The following AOC2 variants were observed in gnomAD, a reference collection of about 807,000 sequenced individuals.
The protein encoded by AOC2 is amine oxidase copper containing 2.
In AOC2, 57 loss-of-function variants were observed where a neutral mutation model predicts 53.8. That is an observed-to-expected ratio of 1.06 (90% CI 0.86 to 1.32). The LOEUF is 1.32. Among genes scored for constraint, AOC2 ranks in the 40% most tolerant of loss-of-function variants. AOC2 has a pLI of 0.00. For missense variants in AOC2, 1,008 were observed against 957.2 expected, an observed-to-expected ratio of 1.05 and a Z score of -0.70; for synonymous variants, 404 against 399.0, an observed-to-expected ratio of 1.01 and a Z score of -0.15.
At chr17:42,846,796 G>A (rs1285733120) in intron 1 of AOC2, among the ~76,000 whole-genome samples, 2 of 152,218 alleles carry the variant, frequency 1.3e-5, no homozygotes, top group African/African-American at 4.8e-5. Flanking sequence ...CTTGCTGCAA[G>A]TATGGAAAGA....
rs554186602 is a variant in AOC2, at chr17:42,845,123, C to T, written c.497C>T (p.Pro166Leu). 2.7e-5 allele frequency: 44 copies of T among 1,613,658 alleles called. No homozygotes were observed. The highest frequency in any genetic ancestry group is 5.0e-5 in the Admixed American group (3 of 60,036). The stretch of plus-strand genomic sequence containing the variant: ...GGGCCCCTGCCCTATCACCGTCGCC[C>T]GGTGCTGAGAGCTGAGTTTACACAG... ...HGGPLPYHRRPVLRAEFTQMW... is the reference protein window; with the variant it reads ...HGGPLPYHRRLVLRAEFTQMW... Residue 166 changes from proline to leucine, a missense_variant, in exon 1 of 4, where the codon CCG (proline) becomes CTG (leucine). By Grantham distance (98) the Pro-to-Leu change is moderately conservative. Coordinates refer to ENST00000253799, the MANE Select transcript of AOC2 (RefSeq NM_009590.4).
chr17:42,846,363 GACTGT>G (rs1189737789), intron 1 of AOC2, 149 bp downstream of exon 1: 1 of 860,056 alleles, frequency 1.2e-6, no homozygotes, highest in Non-Finnish European at 1.7e-6. Flanking sequence ...ACAGGGCAGG[GACTGT>G]TTGAGCATAT....
rs2055588770 is a variant in AOC2 at position 42,845,475 on chromosome 17, TAG to T, written c.852_853del (p.Arg284SerfsTer61). ...TTAAGTCTGGCCGGTTGGAAGTGGT[TAG>T]AGTCCCTCTACCTCCACCAAATGGA... ...EFKSGRLEVV[R>X]VPLPPPNGAS... On this transcript the variant is annotated frameshift_variant, in exon 1 of 4. Transcript: ENST00000253799. LOFTEE classifies it high-confidence loss of function. 1 of 1,614,112 alleles carries T rather than the reference TAG, an allele frequency of 6.2e-7. No individual in the cohort carries two copies. Among genetic ancestry groups the T allele is most frequent in the Non-Finnish European group, 8.5e-7 (1 of 1,180,014 alleles).
chr17:42,847,383 C>T (rs2055607403), intron 1 of AOC2, among the ~76,000 whole-genome samples: 1 of 152,302 alleles, frequency 6.6e-6, no homozygotes, highest in African/African-American at 2.4e-5. Flanking sequence ...CAGTGCCTCC[C>T]GTGCCAGGTA....
rs2055646169 is a variant in AOC2 at position 42,850,444 on chromosome 17, T to C, written c.*96T>C. 2 of 1,424,412 alleles carry C rather than the reference T, an allele frequency of 1.4e-6. No homozygotes were observed. Among genetic ancestry groups the C allele is most frequent in the Non-Finnish European group, 1.9e-6 (2 of 1,070,274 alleles). The allele number at this position is 1,424,412 out of a possible 1,614,324, so 88.2% of individuals were successfully genotyped here. ...GTTTTTATCACACCTGCTCCCCAGA[T>C]TCCCACCCCCTCAATGTTCCTCTCA... On this transcript the variant is annotated 3_prime_UTR_variant, in exon 4 of 4. Transcript: ENST00000253799.
chr17:42,850,174 C>A lies in AOC2; in HGVS notation c.2097C>A (p.Phe699Leu). 2 of 1,614,216 alleles carry A rather than the reference C, an allele frequency of 1.2e-6. No individual in the cohort carries two copies. Among genetic ancestry groups the A allele is most frequent in the Non-Finnish European group, 8.5e-7 (1 of 1,180,038 alleles). ...TGACTCTGGGGAACAGAGTTGGCTT[C>A]TTGCTCCGACCCTATAACTTCTTTG... ...NTVTLGNRVG[F>L]LLRPYNFFDE... Residue 699 changes from phenylalanine to leucine, a missense_variant, in exon 4 of 4, where the codon TTC (phenylalanine) becomes TTA (leucine). By Grantham distance (22) the Phe-to-Leu change is conservative. Coordinates refer to ENST00000253799, the MANE Select transcript of AOC2 (RefSeq NM_009590.4).
Position 42,849,170 on chromosome 17 carries a change from C to G in AOC2, c.1673C>G (p.Pro558Arg). 1 of 1,614,200 alleles carries G rather than the reference C, an allele frequency of 6.2e-7. No individual in the cohort carries two copies. The highest frequency in any genetic ancestry group is 8.5e-7 in the Non-Finnish European group (1 of 1,180,030). ...PWNPEHWLQR[P>R]QLTRQVLGKE... ...AACCCGGAGCACTGGCTACAGCGCC[C>G]ACAGCTGACTCGGCAGGTCCTGGGA... Residue 558 changes from proline to arginine, a missense_variant, in exon 2 of 4, where the codon CCA becomes CGA. Pro to Arg is a moderately radical substitution (Grantham distance 103, BLOSUM62 -2). Coordinates refer to ENST00000253799, the MANE Select transcript of AOC2 (RefSeq NM_009590.4).
Position 42,845,885 on chromosome 17 carries a change from C to T in AOC2, c.1259C>T (p.Pro420Leu). The T allele has an allele frequency of 6.2e-7, 1 of 1,614,112 alleles. No homozygotes were observed. Among genetic ancestry groups the T allele is most frequent in the Non-Finnish European group, 8.5e-7 (1 of 1,180,014 alleles). Reference protein sequence around the residue: ...LVGKGAVQLLPGAVCVFEEAQ... With the variant: ...LVGKGAVQLLLGAVCVFEEAQ... The stretch of plus-strand genomic sequence containing the variant: ...GGCAAAGGGGCAGTCCAGCTGCTTC[C>T]AGGGGCTGTGTGTGTATTTGAGGAA... Residue 420 changes from proline to leucine, a missense_variant, in exon 1 of 4, where the codon CCA becomes CTA. Coordinates refer to ENST00000253799, the MANE Select transcript of AOC2 (RefSeq NM_009590.4).
chr17:42,846,224 G>A lies in AOC2; in HGVS notation c.1588+10G>A. ...GACCTGGATGTGGCAGGTGAGTGCTGAGGGGATGAGGATGGAGACTTGGGG... is the reference window on the plus strand; with the variant it reads ...GACCTGGATGTGGCAGGTGAGTGCTAAGGGGATGAGGATGGAGACTTGGGG... On this transcript the variant is annotated intron_variant, in intron 1 of 3. Coordinates refer to ENST00000253799, the MANE Select transcript of AOC2 (RefSeq NM_009590.4). The A allele has an allele frequency of 6.6e-7, 1 of 1,507,652 alleles. No individual in the cohort carries two copies. The highest frequency in any genetic ancestry group is 1.4e-5 in the African/African-American group (1 of 71,558). The allele number at this position is 1,507,652 out of a possible 1,614,324, so 93.4% of individuals were successfully genotyped here.
rs149144895 is a variant in AOC2, at chr17:42,845,643, C to T, written c.1017C>T (p.Ser339=). The change falls in exon 1 of 4, where the codon AGC becomes AGT. Residue 339 remains serine (S), a synonymous_variant. Transcript: ENST00000253799. ...TTACCTTTGGCCATGGGGTGTTCAG[C>T]GGCCTGAGGATTTTTGATGTTCGGT... ...WSFTFGHGVF[S]GLRIFDVRFQ... is the part of the protein sequence containing the mutation. 2.3e-4 allele frequency: 366 copies of T among 1,614,150 alleles called. 2 individuals are homozygous for T. In the African/African-American group the frequency reaches 2.9e-3, roughly 13 times the overall value.
intron 1 of AOC2, 56 bp from the exon 2 acceptor site, chr17:42,849,030 C>T: frequency 1.1e-5 from 17 of 1,531,330 alleles, no homozygotes; most frequent in Non-Finnish European, 1.5e-5. Context: ...AGACAGGGAC[C>T]TGGCCCAGAG....
chr17:42,847,720 G>A (rs1379154435), intron 1 of AOC2, among the ~76,000 whole-genome samples: 6 of 151,902 alleles, frequency 3.9e-5, no homozygotes, highest in Non-Finnish European at 7.4e-5. Context: ...CTGGGCTCAA[G>A]CAATCCTCCT....
Position 42,850,161 on chromosome 17 carries a change from A to G in AOC2, c.2084A>G (p.Asn695Ser). The change falls in exon 4 of 4, where the codon AAC (asparagine) becomes AGC (serine). Residue 695 changes from asparagine to serine, a missense_variant. Coordinates refer to ENST00000253799, the MANE Select transcript of AOC2 (RefSeq NM_009590.4). ...ATCCCAAACACAGTGACTCTGGGGA[A>G]CAGAGTTGGCTTCTTGCTCCGACCC... ...EDIPNTVTLGNRVGFLLRPYN... is the reference protein window; with the variant it reads ...EDIPNTVTLGSRVGFLLRPYN... 1 of 1,614,178 alleles carries G rather than the reference A, an allele frequency of 6.2e-7. No homozygotes were observed. The highest frequency in any genetic ancestry group is 1.1e-5 in the South Asian group (1 of 91,086).
At position 42,844,715 on chromosome 17, in the gene AOC2, G is replaced by T. The variant is rs1460408057; in HGVS notation, c.89G>T (p.Gly30Val). Residue 30 changes from glycine to valine, a missense_variant, in exon 1 of 4, where the codon GGT (glycine) becomes GTT (valine). By Grantham distance (109) the Gly-to-Val change is moderately radical. Coordinates refer to ENST00000253799, the MANE Select transcript of AOC2 (RefSeq NM_009590.4). ...LAYVLLTSPGGSSQPPHCPSV... is the reference protein window; with the variant it reads ...LAYVLLTSPGVSSQPPHCPSV... ...TATGTTTTGCTGACCAGCCCAGGTG[G>T]TTCCAGCCAGCCTCCCCACTGCCCC... The T allele has an allele frequency of 2.5e-6, 4 of 1,614,172 alleles. No homozygotes were observed. The highest frequency in any genetic ancestry group is 3.4e-6 in the Non-Finnish European group (4 of 1,180,018).
At position 42,845,828 on chromosome 17, in the gene AOC2, A is replaced by T; in HGVS notation, c.1202A>T (p.Gln401Leu). Residue 401 changes from glutamine (Q) to leucine (L), a missense_variant, in exon 1 of 4, where the codon CAA (glutamine) becomes CTA (leucine). Transcript: ENST00000253799. ...GLVRGVDCPY[Q>L]ATMVDIHILV... is the part of the protein sequence containing the mutation. ...GTGCGGGGAGTGGACTGCCCCTATC[A>T]AGCCACGATGGTGGACATCCATATA... 2 of 1,614,170 alleles carry T rather than the reference A, an allele frequency of 1.2e-6. No individual in the cohort carries two copies. The highest frequency in any genetic ancestry group is 1.7e-6 in the Non-Finnish European group (2 of 1,180,034).
At position 42,845,477 on chromosome 17, in the gene AOC2, G is replaced by A. The variant is rs750708068; in HGVS notation, c.851G>A (p.Arg284Lys). The A allele has an allele frequency of 2.5e-6, 4 of 1,614,044 alleles. No homozygotes were observed. Among genetic ancestry groups the A allele is most frequent in the Non-Finnish European group, 3.4e-6 (4 of 1,180,034 alleles). ...AAGTCTGGCCGGTTGGAAGTGGTTA[G>A]AGTCCCTCTACCTCCACCAAATGGA... ...EFKSGRLEVV[R>K]VPLPPPNGAS... Residue 284 changes from arginine to lysine, a missense_variant, in exon 1 of 4, where the codon AGA becomes AAA. Arg to Lys is a conservative substitution (Grantham distance 26, BLOSUM62 2). Transcript: ENST00000253799.
At position 42,845,843 on chromosome 17, in the gene AOC2, A is replaced by C. The variant is rs764887633; in HGVS notation, c.1217A>C (p.Asp406Ala). 6.2e-7 allele frequency: 1 copy of C among 1,614,012 alleles called. No individual in the cohort carries two copies. The highest frequency in any genetic ancestry group is 8.5e-7 in the Non-Finnish European group (1 of 1,180,028). Residue 406 changes from aspartate (D) to alanine (A), a missense_variant, in exon 1 of 4, where the codon GAC becomes GCC. Transcript: ENST00000253799. Reference sequence around the variant, plus strand: ...TGCCCCTATCAAGCCACGATGGTGGACATCCATATATTAGTGGGCAAAGGG... The same window carrying C: ...TGCCCCTATCAAGCCACGATGGTGGCCATCCATATATTAGTGGGCAAAGGG... ...VDCPYQATMV[D>A]IHILVGKGAV...
In AOC2 at chr17:42,845,539, C is replaced by A. The variant is rs749213169; in HGVS notation, c.913C>A (p.Leu305Ile). 2 of 1,614,226 alleles carry A rather than the reference C, an allele frequency of 1.2e-6. No individual in the cohort carries two copies. The highest frequency in any genetic ancestry group is 2.2e-5 in the East Asian group (1 of 44,884). The change falls in exon 1 of 4, where the codon CTT becomes ATT. Residue 305 changes from leucine to isoleucine, a missense_variant. Coordinates refer to ENST00000253799, the MANE Select transcript of AOC2 (RefSeq NM_009590.4). ...SLRSRNSPGP[L>I]PPLQFSPQGS... ...GAGGTCTCGGAACTCTCCAGGTCCT[C>A]TTCCCCCTCTTCAGTTCTCGCCCCA...
intron 2 of AOC2, 42 bp downstream of exon 2, chr17:42,849,413 C>T (rs536135851): frequency 1.3e-6 from 2 of 1,596,078 alleles, no homozygotes; most frequent in South Asian, 1.1e-5. Flanking sequence ...AGGACAGCCC[C>T]TCCCCTGCCC....
Sources: gnomAD v4.1 joint callset for allele counts (sites outside exome capture counted in the v4.1 genomes callset) on GRCh38, gnomAD v4.1.1 for gene constraint, MANE v1.5 for transcripts, NCBI Gene and HGNC (gene_info 2026-07-23, HGNC 2026-07-21) for gene names.